Variants in ARHGEF2 observed in about 807,000 individuals in gnomAD.
ARHGEF2 encodes Rho/Rac guanine nucleotide exchange factor 2.
ARHGEF2 carries 22 observed loss-of-function variants against 121.0 expected under a neutral mutation model. That is an observed-to-expected ratio of 0.18 (90% CI 0.13 to 0.26). ARHGEF2 has a LOEUF of 0.26. ARHGEF2 is among the 10% of genes least tolerant of loss of function. The pLI is 1.00. For missense variants in ARHGEF2, 907 were observed against 1,336.0 expected, an observed-to-expected ratio of 0.68 and a Z score of 5.01; for synonymous variants, 487 against 530.0, an observed-to-expected ratio of 0.92 and a Z score of 1.11.
chr1:155,951,728 AT>A lies in ARHGEF2; in HGVS notation c.2208+12del, dbSNP rs765628017. 6.2e-7 allele frequency: 1 copy of A among 1,614,026 alleles called. No individual in the cohort carries two copies. Among genetic ancestry groups the A allele is most frequent in the Non-Finnish European group, 8.5e-7 (1 of 1,179,980 alleles). On this transcript the variant is annotated intron_variant, in intron 18 of 21. Coordinates refer to ENST00000361247, the MANE Select transcript of ARHGEF2 (RefSeq NM_001162383.2). The surrounding 1 kb of genome is among the most constrained non-coding windows in gnomAD (Gnocchi z 5.1). Reference sequence around the variant, plus strand: ...CTCCCTTCAGTCTCCTATACCATCAATTCCCATCTCACCTCTTGCGGTGATC... The same window carrying A: ...CTCCCTTCAGTCTCCTATACCATCAATCCCATCTCACCTCTTGCGGTGATC...
Position 155,947,507 on chromosome 1 carries a change from A to C in ARHGEF2, c.*435T>G. ...TGCTGTGGCTGCAGCCTCTCCTCCA[A>C]GACGGATGTTGCAGGGGAGGGCCGT... is the stretch of plus-strand genomic sequence containing the variant. On this transcript the variant is annotated 3_prime_UTR_variant, in exon 22 of 22. Coordinates refer to ENST00000361247, the MANE Select transcript of ARHGEF2 (RefSeq NM_001162383.2). 2.3e-6 allele frequency: 1 copy of C among 440,866 alleles called. No homozygotes were observed. Among genetic ancestry groups the C allele is most frequent in the Non-Finnish European group, 4.6e-6 (1 of 219,116 alleles). 27.3% of individuals were successfully genotyped at this position (440,866 alleles called of 1,614,324 possible).
chr1:155,964,575 A>G (rs183439535), intron 7 of ARHGEF2, among the ~76,000 whole-genome samples: 2 of 152,178 alleles, frequency 1.3e-5, no homozygotes, highest in East Asian at 3.9e-4. Context: ...GATACCAGGC[A>G]GGGTCTTGTA....
chr1:155,953,845 G>A (rs1676040366), intron 14 of ARHGEF2, among the ~76,000 whole-genome samples: 1 of 152,028 alleles, frequency 6.6e-6, no homozygotes, highest in African/African-American at 2.4e-5. Flanking sequence ...GTGTGACAGT[G>A]GGAGCTGGAG....
rs576612065 is a variant in ARHGEF2 at position 155,947,182 on chromosome 1, G to A, written c.*760C>T. 3.9e-3 allele frequency: 1,412 copies of A among 365,192 alleles called. 17 individuals are homozygous for A. Among genetic ancestry groups the A allele is most frequent in the South Asian group, 0.014 (651 of 47,950 alleles). 22.6% of individuals were successfully genotyped at this position (365,192 alleles called of 1,614,324 possible). A position where few individuals can be genotyped will look rare whatever the true frequency, so the allele number is the denominator to read the frequency against. ...TTCTTCAGAGATGTGGAGATAGGAG[G>A]CTTCGATCTCTAATTGCCTACGATC... On this transcript the variant is annotated 3_prime_UTR_variant, in exon 22 of 22. Coordinates refer to ENST00000361247, the MANE Select transcript of ARHGEF2 (RefSeq NM_001162383.2).
intron 1 of ARHGEF2, chr1:155,970,515 G>T: frequency 1.0e-6 from 1 of 985,482 alleles, no homozygotes; most frequent in Non-Finnish European, 1.2e-6. Flanking sequence ...AGGTTTCCCA[G>T]GCTCTCAGAA....
rs1387118358 is a variant in ARHGEF2, at chr1:155,965,481, A to G, written c.471-69T>C. 1.1e-5 allele frequency: 17 copies of G among 1,596,102 alleles called. No individual in the cohort carries two copies. Among genetic ancestry groups the G allele is most frequent in the Non-Finnish European group, 1.4e-5 (16 of 1,164,156 alleles). On this transcript the variant is annotated intron_variant, in intron 5 of 21. Coordinates refer to ENST00000361247, the MANE Select transcript of ARHGEF2 (RefSeq NM_001162383.2). The surrounding 1 kb of genome is among the most constrained non-coding windows in gnomAD (Gnocchi z 6.0). ...AAGATCCCTTCCCAGGTAGGGAACCAAAGCCAGGATCCAAGAGGCGGTCCC... is the reference window on the plus strand; with the variant it reads ...AAGATCCCTTCCCAGGTAGGGAACCGAAGCCAGGATCCAAGAGGCGGTCCC...
At chr1:155,967,018 G>A in intron 2 of ARHGEF2, 131 bp from the exon 3 acceptor site, 2 of 791,398 alleles carry the variant, frequency 2.5e-6, no homozygotes, top group Non-Finnish European at 4.3e-6. Flanking sequence ...CGACTTCTGG[G>A]CCATTACCAC....
intron 15 of ARHGEF2, 152 bp from the exon 16 acceptor site, chr1:155,952,387 A>G: frequency 8.2e-7 from 1 of 1,213,674 alleles, no homozygotes; most frequent in South Asian, 1.4e-5. Context: ...GATGAGGTAA[A>G]GGGCAGTAAA....
chr1:155,962,075 A>C lies in ARHGEF2; in HGVS notation c.1219+30T>G. On this transcript the variant is annotated intron_variant, in intron 10 of 21. Coordinates refer to ENST00000361247, the MANE Select transcript of ARHGEF2 (RefSeq NM_001162383.2). This position sits in a 1 kb window ranked among gnomAD's most constrained non-coding sequence, Gnocchi z 5.8. The stretch of plus-strand genomic sequence containing the variant: ...TCCTCACCCCAGGTGGCCGTCTCCC[A>C]GTGGCCCTCTCCTGGGCCTGCCTAC... The C allele has an allele frequency of 6.2e-7, 1 of 1,611,936 alleles. No individual in the cohort carries two copies. The highest frequency in any genetic ancestry group is 1.1e-5 in the South Asian group (1 of 91,034).
intron 1 of ARHGEF2, among the ~76,000 whole-genome samples, chr1:155,973,559 A>G (rs1047872770): frequency 2.0e-5 from 3 of 152,172 alleles, no homozygotes; most frequent in Non-Finnish European, 4.4e-5. Context: ...CAGCCTGGCC[A>G]ACATGGCAAA....
At chr1:155,952,553 C>T in intron 15 of ARHGEF2, 75 bp downstream of exon 15, 1 of 1,488,108 alleles carries the variant, frequency 6.7e-7, no homozygotes, top group Non-Finnish European at 9.1e-7. Context: ...CTGTGTTTGT[C>T]CATGTCTAGT....
At chr1:155,974,030 T>G (rs918140403) in intron 1 of ARHGEF2, among the ~76,000 whole-genome samples, 1 of 152,068 alleles carries the variant, frequency 6.6e-6, no homozygotes, top group African/African-American at 2.4e-5. Context: ...CTGACTTTTT[T>G]TTTTTTAATA....
chr1:155,978,530 G>A lies in ARHGEF2; in HGVS notation c.-103C>T. The A allele has an allele frequency of 7.8e-7, 1 of 1,286,520 alleles. No individual in the cohort carries two copies. Among genetic ancestry groups the A allele is most frequent in the Non-Finnish European group, 9.9e-7 (1 of 1,008,206 alleles). 79.7% of individuals were successfully genotyped at this position (1,286,520 alleles called of 1,614,324 possible). ...TTCGGCCCGCACGCGTTGGTCTCGG[G>A]GACAGGAAGTCTGACTCCCCTCGCC... On this transcript the variant is annotated 5_prime_UTR_variant, in exon 1 of 22. Coordinates refer to ENST00000361247, the MANE Select transcript of ARHGEF2 (RefSeq NM_001162383.2). The surrounding 1 kb of genome is among the most constrained non-coding windows in gnomAD (Gnocchi z 4.1).
Position 155,951,122 on chromosome 1 carries a change from G to T in ARHGEF2, c.2410C>A (p.Leu804Met). 6.2e-7 allele frequency: 1 copy of T among 1,604,514 alleles called. No individual in the cohort carries two copies. Residue 804 changes from leucine to methionine, a missense_variant, in exon 20 of 22, where the codon CTG becomes ATG. Around this residue, in one of 2 missense-constraint regions of ARHGEF2, gnomAD observed 432 missense variants for 559.5 expected, o/e 0.77. Transcript: ENST00000361247. This position sits in a 1 kb window ranked among gnomAD's most constrained non-coding sequence, Gnocchi z 5.1. ...GCATGTTGCCGCTGCAGTAATGCCA[G>T]TTCCGTGGCCTGCTTTTCAGGGGCC... ...PVAPEKQATE[L>M]ALLQRQHALL...
In ARHGEF2 at chr1:155,947,309, A is replaced by G. The variant is rs1674567142; in HGVS notation, c.*633T>C. The G allele has an allele frequency of 2.2e-6, 1 of 455,574 alleles. No individual in the cohort carries two copies. The highest frequency in any genetic ancestry group is 2.0e-5 in the African/African-American group (1 of 50,032). 28.2% of individuals were successfully genotyped at this position (455,574 alleles called of 1,614,324 possible). A position where few individuals can be genotyped will look rare whatever the true frequency, so the allele number is the denominator to read the frequency against. On this transcript the variant is annotated 3_prime_UTR_variant, in exon 22 of 22. Transcript: ENST00000361247. The stretch of plus-strand genomic sequence containing the variant: ...CTGTGGGTTTTTTCCCTCACCCCCA[A>G]CAAACCATTATGGCCACCCCAACCT...
chr1:155,958,266 GA>G, intron 12 of ARHGEF2, 53 bp downstream of exon 12: 1 of 1,495,190 alleles, frequency 6.7e-7, no homozygotes, highest in South Asian at 1.1e-5. Flanking sequence ...AGGAAAGCAA[GA>G]AGAGACTAAA....
rs770100732 is a variant in ARHGEF2 at position 155,969,219 on chromosome 1, C to G, written c.145G>C (p.Gly49Arg). ...GHLFTTISVS[G>R]MTMCYACNKS... ...TTACAGGCATAGCACATGGTCATGC[C>G]TGAAACTGAAATGGTGGTGAAGAGG... The change falls in exon 2 of 22, where the codon GGC becomes CGC. Residue 49 changes from glycine (G) to arginine (R), a missense_variant. Gly to Arg is a moderately radical substitution (Grantham distance 125). Around this residue, in one of 2 missense-constraint regions of ARHGEF2, gnomAD observed 475 missense variants for 776.5 expected, o/e 0.61. Transcript: ENST00000361247. The G allele has an allele frequency of 6.2e-7, 1 of 1,614,218 alleles. No individual in the cohort carries two copies.
Position 155,957,698 on chromosome 1 carries a change from C to A in ARHGEF2, c.1715+15G>T, listed in dbSNP as rs772122836. On this transcript the variant is annotated intron_variant, in intron 13 of 21. Transcript: ENST00000361247. ...TGAGGTCATAAGCACATGCAGGCGG[C>A]AGGCAGACACTCACGTGCGCACGCT... 1.9e-6 allele frequency: 3 copies of A among 1,599,476 alleles called. No homozygotes were observed. The highest frequency in any genetic ancestry group is 2.7e-5 in the African/African-American group (2 of 74,638).
chr1:155,955,219 G>T (rs376508133), intron 13 of ARHGEF2, among the ~76,000 whole-genome samples: 2 of 151,850 alleles, frequency 1.3e-5, no homozygotes, highest in Non-Finnish European at 2.9e-5. Flanking sequence ...CCTCCTCCTG[G>T]GTTCAAGTGA....
Sources: gnomAD v4.1 joint callset for allele counts (sites outside exome capture counted in the v4.1 genomes callset) on GRCh38, gnomAD v4.1.1 for gene constraint, gnomAD v4.1.1 regional missense constraint, Gnocchi (gnomAD v3.1) non-coding constraint, MANE v1.5 for transcripts, NCBI Gene and HGNC (gene_info 2026-07-23, HGNC 2026-07-21) for gene names.